The following PAFAH1B2 variants were observed in gnomAD, a reference collection of about 807,000 sequenced individuals.
PAFAH1B2 encodes the protein platelet-activating factor acetylhydrolase IB subunit alpha2.
PAFAH1B2 carries 8 observed loss-of-function variants against 28.0 expected under a neutral mutation model. The ratio of observed to expected loss-of-function variants is 0.29; its 90% CI spans 0.17 to 0.52. The LOEUF is 0.52. Among genes scored for constraint, PAFAH1B2 ranks in the 20% least tolerant of loss-of-function variants. PAFAH1B2 has a pLI of 0.97. For missense variants in PAFAH1B2, 190 were observed against 282.6 expected (o/e 0.67, Z 2.35); for synonymous variants, 104 against 103.2 (o/e 1.01, Z -0.05).
At chr11:117,160,358 ATCCT>A (rs1368966979) in intron 3 of PAFAH1B2, among the ~76,000 whole-genome samples, 8 of 152,164 alleles carry the variant, frequency 5.3e-5, no homozygotes, top group Non-Finnish European at 1.0e-4. Flanking sequence ...AATAACATTT[ATCCT>A]AGTCATGATT....
intron 5 of PAFAH1B2, among the ~76,000 whole-genome samples, chr11:117,164,494 G>T (rs114224309): frequency 2.4e-4 from 36 of 151,560 alleles, no homozygotes; most frequent in African/African-American, 8.2e-4. Context: ...CATGAGATTT[G>T]TCTGAATCCT....
At chr11:117,171,767 GATGTT>G, downstream of PAFAH1B2, 3 of 1,530,888 alleles carry the variant, frequency 2.0e-6, no homozygotes, top group Middle Eastern at 1.7e-4. Flanking sequence ...ATGCCGGTAT[GATGTT>G]CCTTGGCAGC....
chr11:117,163,751 C>G lies in PAFAH1B2; in HGVS notation c.289-19C>G, dbSNP rs753375116. ...TGGGTATTTATCTTCTCCTTCCCCC[C>G]TTTTTTCTTCAATTGCAGGTCATTG... On this transcript the variant is annotated intron_variant, in intron 4 of 5. Coordinates refer to ENST00000527958, the MANE Select transcript of PAFAH1B2 (RefSeq NM_002572.4). 3.1e-6 allele frequency: 5 copies of G among 1,611,646 alleles called. No homozygotes were observed. The highest frequency in any genetic ancestry group is 3.4e-6 in the Non-Finnish European group (4 of 1,178,714).
chr11:117,172,348 TTATATATATATATATA>T (rs1213181198), downstream of PAFAH1B2, among the ~76,000 whole-genome samples: 48 of 91,178 alleles, frequency 5.3e-4, 1 homozygote, highest in African/African-American at 8.5e-4. Flanking sequence ...CATTCTAGCT[TTATATATATATATATA>T]TATATATATA....
chr11:117,168,656 T>C lies in PAFAH1B2; in HGVS notation c.*957T>C, dbSNP rs1045430087. ...TCGGAGTTCTGGTTTTGTTTTTCCC[T>C]TAAAACCTGTTAACAGTTTTTTTTG... On this transcript the variant is annotated 3_prime_UTR_variant, in exon 6 of 6. Coordinates refer to ENST00000527958, the MANE Select transcript of PAFAH1B2 (RefSeq NM_002572.4). The C allele has an allele frequency of 1.4e-4, 149 of 1,061,672 alleles. No homozygotes were observed. The highest frequency in any genetic ancestry group is 1.6e-4 in the Non-Finnish European group (144 of 876,844). The allele number at this position is 1,061,672 out of a possible 1,614,324, so 65.8% of individuals were successfully genotyped here.
chr11:117,162,977 C>G (rs1454123275), intron 4 of PAFAH1B2, among the ~76,000 whole-genome samples: 1 of 152,066 alleles, frequency 6.6e-6, no homozygotes. Context: ...TAGATGTGAC[C>G]CACTGTGCCT....
At chr11:117,172,398 ATATATATTTTTTTTTTT>A (rs1956689919), downstream of PAFAH1B2, among the ~76,000 whole-genome samples, 16 of 2,824 alleles carry the variant, frequency 5.7e-3, no homozygotes, top group Admixed American at 0.02. Flanking sequence ...ATATATATAT[ATATATATTTTTTTTTTT>A]TTTTTTTTTT....
At chr11:117,175,585 G>T, downstream of PAFAH1B2, 1 of 1,152,216 alleles carries the variant, frequency 8.7e-7, no homozygotes, top group Non-Finnish European at 1.1e-6. Context: ...GGAGCAAACA[G>T]AAATAGTGAT....
At chr11:117,153,181 C>G (rs1037777389) in intron 2 of PAFAH1B2, among the ~76,000 whole-genome samples, 4 of 152,200 alleles carry the variant, frequency 2.6e-5, no homozygotes, top group African/African-American at 9.7e-5. Context: ...TGTAATGTTA[C>G]AAATGTCCTG....
downstream of PAFAH1B2, chr11:117,171,578 A>G (rs768873278): frequency 1.5e-4 from 115 of 761,636 alleles, no homozygotes; most frequent in Middle Eastern, 4.5e-4. Flanking sequence ...CATAGAGGAC[A>G]TGAACCTTGA....
At chr11:117,144,512 C>A in intron 1 of PAFAH1B2, 94 bp downstream of exon 1, 1 of 177,922 alleles carries the variant, frequency 5.6e-6, no homozygotes, top group South Asian at 9.4e-5. Context: ...GCGACCTCCC[C>A]TCCCCCACCC....
In PAFAH1B2 at chr11:117,168,403, C is replaced by G. The variant is rs1956560232; in HGVS notation, c.*704C>G. On this transcript the variant is annotated 3_prime_UTR_variant, in exon 6 of 6. Coordinates refer to ENST00000527958, the MANE Select transcript of PAFAH1B2 (RefSeq NM_002572.4). ...GTGCATGCAGCCTTTCCTCCTTATT[C>G]CCCTTCATGCCCCCCTTTCCCCTTC... 5.7e-6 allele frequency: 6 copies of G among 1,048,732 alleles called. No homozygotes were observed. The highest frequency in any genetic ancestry group is 4.6e-5 in the South Asian group (1 of 21,688). 65.0% of individuals were successfully genotyped at this position (1,048,732 alleles called of 1,614,324 possible). A position where few individuals can be genotyped will look rare whatever the true frequency, so the allele number is the denominator to read the frequency against.
chr11:117,172,307 T>A (rs77280743), downstream of PAFAH1B2, among the ~76,000 whole-genome samples: 1 of 146,750 alleles, frequency 6.8e-6, no homozygotes, highest in Non-Finnish European at 1.5e-5. Context: ...TGGCCTGATA[T>A]TATGCTATGC....
chr11:117,159,277 A>T (rs1325900781), intron 2 of PAFAH1B2: 1 of 152,248 alleles, frequency 6.6e-6, no homozygotes, highest in African/African-American at 2.4e-5. Flanking sequence ...CTGTATGGTA[A>T]GGGTGAGAAG....
chr11:117,164,494 G>A lies in PAFAH1B2; in HGVS notation c.411+602G>A, dbSNP rs114224309. Among the ~76,000 whole-genome samples, 778 of 151,558 alleles carry A rather than the reference G, an allele frequency of 5.1e-3. 7 individuals are homozygous for A. The highest frequency in any genetic ancestry group is 0.018 in the African/African-American group (737 of 41,368). On this transcript the variant is annotated intron_variant, in intron 5 of 5. Coordinates refer to ENST00000527958, the MANE Select transcript of PAFAH1B2 (RefSeq NM_002572.4). ...TTTTGCACAATGGCACATGAGATTT[G>A]TCTGAATCCTGAGTCTTTTTATTAG...
At position 117,168,758 on chromosome 11, in the gene PAFAH1B2, G is replaced by A. The variant is rs914035241; in HGVS notation, c.*1059G>A. On this transcript the variant is annotated 3_prime_UTR_variant, in exon 6 of 6. Transcript: ENST00000527958. ...ATTTCAAGTTTTATAATATCTTAAG[G>A]TGTATATTTTATTTTTTTTATTGGC... 18 of 1,031,232 alleles carry A rather than the reference G, an allele frequency of 1.7e-5. No homozygotes were observed. Among genetic ancestry groups the A allele is most frequent in the African/African-American group, 1.5e-4 (9 of 59,732 alleles). The allele number at this position is 1,031,232 out of a possible 1,614,324, so 63.9% of individuals were successfully genotyped here.
chr11:117,154,866 C>T, intron 2 of PAFAH1B2, among the ~76,000 whole-genome samples: 1 of 152,198 alleles, frequency 6.6e-6, no homozygotes, highest in East Asian at 1.9e-4. Flanking sequence ...TGAAATAATG[C>T]AGGCCATAAA....
In PAFAH1B2 at chr11:117,170,437, G is replaced by A. The variant is rs953880347; in HGVS notation, c.*2738G>A. ...GCAGCTTGAAGATGTACTGCCACGG[G>A]TGATCTAGGGCAGGCTGTCTTCCAG... On this transcript the variant is annotated 3_prime_UTR_variant, in exon 6 of 6. Coordinates refer to ENST00000527958, the MANE Select transcript of PAFAH1B2 (RefSeq NM_002572.4). 9.4e-7 allele frequency: 1 copy of A among 1,059,462 alleles called. No individual in the cohort carries two copies. Among genetic ancestry groups the A allele is most frequent in the Non-Finnish European group, 1.1e-6 (1 of 876,354 alleles). The allele number at this position is 1,059,462 out of a possible 1,614,324, so 65.6% of individuals were successfully genotyped here.
At chr11:117,163,688 A>G in intron 4 of PAFAH1B2, 82 bp from the exon 5 acceptor site, 3 of 1,024,312 alleles carry the variant, frequency 2.9e-6, no homozygotes, top group Non-Finnish European at 4.3e-6. Flanking sequence ...AAAAAAAAAA[A>G]AAGATTTTCA....
Sources: gnomAD v4.1 joint callset for allele counts (sites outside exome capture counted in the v4.1 genomes callset) on GRCh38, gnomAD v4.1.1 for gene constraint, MANE v1.5 for transcripts, NCBI Gene and HGNC (gene_info 2026-07-23, HGNC 2026-07-21) for gene names.